ASIC2: variants seen among roughly 807,000 people sequenced by gnomAD.
The protein encoded by ASIC2 is acid sensing ion channel subunit 2, also known as acid-sensing ion channel 2.
ASIC2 carries 25 observed loss-of-function variants against 57.3 expected under a neutral mutation model. The ratio of observed to expected loss-of-function variants is 0.44; its 90% CI spans 0.32 to 0.61. The LOEUF (loss-of-function observed/expected upper bound fraction) is 0.61, where lower values mean the gene tolerates loss of function less well. ASIC2 is among the 20% of genes least tolerant of loss of function. The pLI, the probability that ASIC2 is intolerant of heterozygous loss-of-function variation, is 0.06. For synonymous variants in ASIC2, 319 were observed against 307.5 expected, an observed-to-expected ratio of 1.04 and a Z score of -0.39; for missense variants, 641 against 738.1, an observed-to-expected ratio of 0.87 and a Z score of 1.52.
intron 1 of ASIC2, among the ~76,000 whole-genome samples, chr17:33,993,936 C>A (rs916320871): frequency 2.6e-5 from 4 of 152,152 alleles, no homozygotes; most frequent in South Asian, 4.1e-4. Flanking sequence ...AGTGACTGAT[C>A]TTTTTCTATA....
chr17:33,731,968 A>G (rs867061399), intron 1 of ASIC2, among the ~76,000 whole-genome samples: 10 of 152,348 alleles, frequency 6.6e-5, no homozygotes, highest in Non-Finnish European at 1.3e-4. Context: ...GTGACTTAAA[A>G]TCAAAGAAAA....
At chr17:33,937,918 G>T (rs9906069) in intron 1 of ASIC2, among the ~76,000 whole-genome samples, 50,633 of 152,072 alleles carry the variant, frequency 0.33, 8,533 homozygotes, top group African/African-American at 0.35. Flanking sequence ...TCCTTTGTGG[G>T]CAACATTGCC....
chr17:33,895,649 T>C (rs1915078193), intron 1 of ASIC2, among the ~76,000 whole-genome samples: 1 of 152,192 alleles, frequency 6.6e-6, no homozygotes, highest in South Asian at 2.1e-4. Flanking sequence ...AAATAGCTTT[T>C]TAAAATCCTT....
At chr17:33,486,088 T>C (rs948222423) in intron 1 of ASIC2, among the ~76,000 whole-genome samples, 1 of 152,206 alleles carries the variant, frequency 6.6e-6, no homozygotes, top group Non-Finnish European at 1.5e-5. Context: ...TAGCTTGCAC[T>C]GACTCAGACT....
At chr17:33,066,277 T>A (rs1480017223) in intron 3 of ASIC2, among the ~76,000 whole-genome samples, 1 of 152,150 alleles carries the variant, frequency 6.6e-6, no homozygotes, top group East Asian at 1.9e-4. Context: ...TTAAAAACTG[T>A]GATACCTGGG....
chr17:33,181,259 G>A (rs1905973427), intron 1 of ASIC2, among the ~76,000 whole-genome samples: 2 of 152,024 alleles, frequency 1.3e-5, no homozygotes, highest in Non-Finnish European at 2.9e-5. Context: ...GTAAAATAAG[G>A]ATAAAACTAA....
chr17:33,259,173 G>A (rs1044387976), intron 1 of ASIC2, among the ~76,000 whole-genome samples: 8 of 152,072 alleles, frequency 5.3e-5, no homozygotes, highest in African/African-American at 1.7e-4. Flanking sequence ...ATCTCGGAAC[G>A]GACAGTTTTG....
At chr17:33,066,282 C>T (rs746430516) in intron 3 of ASIC2, among the ~76,000 whole-genome samples, 1 of 152,150 alleles carries the variant, frequency 6.6e-6, no homozygotes, top group Non-Finnish European at 1.5e-5. Flanking sequence ...AACTGTGATA[C>T]CTGGGAGAAG....
chr17:34,106,934 T>C (rs915258648), intron 1 of ASIC2, among the ~76,000 whole-genome samples: 3 of 152,190 alleles, frequency 2.0e-5, no homozygotes, highest in Non-Finnish European at 4.4e-5. Context: ...GCTTCTTGGC[T>C]CTTTAGCAAA....
At chr17:33,347,675 G>A in intron 1 of ASIC2, among the ~76,000 whole-genome samples, 1 of 152,194 alleles carries the variant, frequency 6.6e-6, no homozygotes, top group Middle Eastern at 3.2e-3. Context: ...CATCGAAGGA[G>A]GGTGGGGGCT....
intron 1 of ASIC2, among the ~76,000 whole-genome samples, chr17:33,628,068 G>T (rs1906042012): frequency 6.6e-6 from 1 of 152,120 alleles, no homozygotes; most frequent in African/African-American, 2.4e-5. Context: ...CCTGTGCTGT[G>T]TGTGGGCCTA....
At chr17:34,106,011 C>T (rs1403789111) in intron 1 of ASIC2, among the ~76,000 whole-genome samples, 1 of 151,982 alleles carries the variant, frequency 6.6e-6, no homozygotes, top group Non-Finnish European at 1.5e-5. Flanking sequence ...GCACAGGATC[C>T]TATCTAGTTG....
intron 1 of ASIC2, among the ~76,000 whole-genome samples, chr17:33,960,981 A>C (rs893337346): frequency 2.6e-5 from 4 of 152,194 alleles, no homozygotes; most frequent in African/African-American, 7.2e-5. Flanking sequence ...TAAATAATGC[A>C]GGCAACCCTA....
chr17:33,886,379 C>T (rs543543133), intron 1 of ASIC2, among the ~76,000 whole-genome samples: 85 of 152,208 alleles, frequency 5.6e-4, no homozygotes, highest in South Asian at 4.2e-4. Flanking sequence ...GAACAGAAAT[C>T]GGATCAGAAA....
intron 1 of ASIC2, among the ~76,000 whole-genome samples, chr17:33,276,281 G>GA: frequency 6.6e-6 from 1 of 152,128 alleles, no homozygotes; most frequent in Non-Finnish European, 1.5e-5. Context: ...ATGAATGGCT[G>GA]AAAAAACAAA....
intron 1 of ASIC2, among the ~76,000 whole-genome samples, chr17:33,195,850 G>A (rs958839349): frequency 1.3e-5 from 2 of 152,168 alleles, no homozygotes; most frequent in Admixed American, 6.5e-5. Context: ...GTCATAGAGT[G>A]GGCTGTGGCA....
intron 1 of ASIC2, among the ~76,000 whole-genome samples, chr17:33,454,999 T>TA (rs1912398163): frequency 6.6e-6 from 1 of 152,198 alleles, no homozygotes. Flanking sequence ...GAGGAACACA[T>TA]ACATTCAAAC....
chr17:33,477,835 T>C (rs2141924561), intron 1 of ASIC2, among the ~76,000 whole-genome samples: 1 of 152,242 alleles, frequency 6.6e-6, no homozygotes, highest in African/African-American at 2.4e-5. Context: ...AAGCAAAGTA[T>C]AAGGAAAGTC....
intron 1 of ASIC2, among the ~76,000 whole-genome samples, chr17:33,493,884 T>G (rs1194137259): frequency 6.6e-6 from 1 of 152,244 alleles, no homozygotes; most frequent in Non-Finnish European, 1.5e-5. Context: ...GTATCAACAG[T>G]GCTGACCCAA....
Sources: gnomAD v4.1 joint callset for allele counts (sites outside exome capture counted in the v4.1 genomes callset) on GRCh38, gnomAD v4.1.1 for gene constraint, MANE v1.5 for transcripts, NCBI Gene and HGNC (gene_info 2026-07-23, HGNC 2026-07-21) for gene names.